Variants in PRKDC observed in about 807,000 individuals in gnomAD.
The protein encoded by PRKDC is DNA-dependent protein kinase catalytic subunit.
In PRKDC, 82 loss-of-function variants were observed where a neutral mutation model predicts 486.9. The observed-to-expected ratio is 0.17, with a 90% CI of 0.14 to 0.20. The LOEUF (loss-of-function observed/expected upper bound fraction) is 0.20, where lower values mean the gene tolerates loss of function less well. Ranked by LOEUF, PRKDC falls within the 10% of genes least tolerant of loss-of-function variation. The pLI is 1.00. For synonymous variants in PRKDC, 1,895 were observed against 1,837.0 expected (o/e 1.03, Z -0.81); for missense variants, 4,504 against 5,038.2 (o/e 0.89, Z 3.21).
In PRKDC at chr8:47,782,080, G is replaced by A. The variant is rs896460515; in HGVS notation, c.11489+82C>T. The A allele has an allele frequency of 6.8e-5, 86 of 1,257,660 alleles. No individual in the cohort carries two copies. Among genetic ancestry groups the A allele is most frequent in the Admixed American group, 5.5e-5 (3 of 54,928 alleles). The allele number at this position is 1,257,660 out of a possible 1,614,324, so 77.9% of individuals were successfully genotyped here. A position where few individuals can be genotyped will look rare whatever the true frequency, so the allele number is the denominator to read the frequency against. On this transcript the variant is annotated intron_variant, in intron 80 of 85. Transcript: ENST00000314191. The surrounding 1 kb of genome is among the most constrained non-coding windows in gnomAD (Gnocchi z 4.9). Reference sequence around the variant, plus strand: ...GGGCAGGCAGTGTGGGCTCTCGAGCGCGCCTGTCACGGCCCCGACCTGCCA... The same window carrying A: ...GGGCAGGCAGTGTGGGCTCTCGAGCACGCCTGTCACGGCCCCGACCTGCCA...
chr8:47,836,688 G>A (rs765426743), intron 57 of PRKDC, among the ~76,000 whole-genome samples, 161 bp from the exon 58 acceptor site: 8 of 152,192 alleles, frequency 5.3e-5, no homozygotes, highest in Non-Finnish European at 1.2e-4. Flanking sequence ...TAATTTAAAA[G>A]TTTTAACTGA....
chr8:47,829,382 T>TAA (rs1448871476), intron 61 of PRKDC, among the ~76,000 whole-genome samples: 2 of 152,292 alleles, frequency 1.3e-5, no homozygotes, highest in East Asian at 3.9e-4. Context: ...AAAAGAACAT[T>TAA]AAAAGCAATG....
chr8:47,778,675 C>T lies in PRKDC; in HGVS notation c.11652-15G>A, dbSNP rs774509571. On this transcript the variant is annotated splice_polypyrimidine_tract_variant and intron_variant, in intron 82 of 85. Coordinates refer to ENST00000314191, the MANE Select transcript of PRKDC (RefSeq NM_006904.7). The stretch of plus-strand genomic sequence containing the variant: ...CGAAGGCCCGCCTACAAAAGAGACA[C>T]AGCTGTGCGGCTGCTGTGATCCCAC... The T allele has an allele frequency of 1.2e-6, 2 of 1,613,414 alleles. No homozygotes were observed. Among genetic ancestry groups the T allele is most frequent in the South Asian group, 2.2e-5 (2 of 90,976 alleles).
At chr8:47,928,187 G>A (rs1589798487) in intron 19 of PRKDC, among the ~76,000 whole-genome samples, 2 of 144,058 alleles carry the variant, frequency 1.4e-5, no homozygotes, top group South Asian at 2.2e-4. Context: ...AGATAGAGTC[G>A]TGCTGTCAGC....
chr8:47,906,271 C>A (rs1050537351), intron 25 of PRKDC, among the ~76,000 whole-genome samples: 3 of 152,142 alleles, frequency 2.0e-5, no homozygotes, highest in Admixed American at 6.5e-5. Flanking sequence ...GGCTTGGGCC[C>A]AGGAGGTGGA....
rs766724310 is a variant in PRKDC, at chr8:47,785,156, G to A, written c.11064C>T (p.Ser3688=). The part of the protein sequence containing the change: ...GNLKECSPWM[S]DFKVEFLRNE... ...TTCTCAGGAACTCCACTTTGAAGTCGCTCATCCAGGGTGAACATTCTTTCA... is the reference window on the plus strand; with the variant it reads ...TTCTCAGGAACTCCACTTTGAAGTCACTCATCCAGGGTGAACATTCTTTCA... The change falls in exon 77 of 86, where the codon AGC becomes AGT. Residue 3688 remains serine, a synonymous_variant. Coordinates refer to ENST00000314191, the MANE Select transcript of PRKDC (RefSeq NM_006904.7). The A allele has an allele frequency of 9.3e-6, 15 of 1,613,776 alleles. No homozygotes were observed. The African/African-American group carries it at 1.3e-4, about 14-fold the overall frequency.
intron 40 of PRKDC, among the ~76,000 whole-genome samples, chr8:47,868,979 C>A (rs1378402466): frequency 6.6e-6 from 1 of 152,162 alleles, no homozygotes; most frequent in Non-Finnish European, 1.5e-5. Flanking sequence ...AACATTTAGA[C>A]CAGCCCTAAT....
chr8:47,949,528 C>A (rs532712990), intron 7 of PRKDC, among the ~76,000 whole-genome samples: 2 of 152,290 alleles, frequency 1.3e-5, no homozygotes, highest in South Asian at 4.1e-4. Flanking sequence ...TCACTGAGTG[C>A]TGATTTATAA....
rs117539862 is a variant in PRKDC, at chr8:47,799,390, C to T, written c.10117G>A (p.Val3373Met). 3 of 1,538,300 alleles carry T rather than the reference C, an allele frequency of 2.0e-6. No individual in the cohort carries two copies. In the East Asian group the frequency reaches 6.8e-5, roughly 35 times the overall value. ...GCTCTCTGGTACAGACCCGCGATCA[C>T]CTGGAATTCACAGAGACCTAAACCC... ...SGSSSEDSEK[V>M]IAGLYQRAFQ... The change falls in exon 72 of 86, where the codon GTG (valine) becomes ATG (methionine). Residue 3373 changes from valine (V) to methionine (M), a missense_variant and splice_region_variant. This residue lies in a region of PRKDC where 1,592 missense variants were observed against 1,724.6 expected (regional missense o/e 0.92). Coordinates refer to ENST00000314191, the MANE Select transcript of PRKDC (RefSeq NM_006904.7).
At chr8:47,847,046 T>C (rs146706619) in intron 54 of PRKDC, among the ~76,000 whole-genome samples, 18 of 152,346 alleles carry the variant, frequency 1.2e-4, no homozygotes, top group African/African-American at 4.3e-4. Context: ...AGAATCAATA[T>C]TGTTAGAATA....
intron 40 of PRKDC, 73 bp from the exon 41 acceptor site, chr8:47,864,836 C>G (rs1189410278): frequency 7.8e-6 from 10 of 1,279,078 alleles, no homozygotes; most frequent in African/African-American, 1.5e-5. Flanking sequence ...TACTACATAA[C>G]AGGCAAAGTA....
rs372328405 is a variant in PRKDC, at chr8:47,865,711, C to T, written c.5364-948G>A. Reference sequence around the variant, plus strand: ...GTCATAAAAAGACTATAGGACACTACTAGATGCCATACAGGATTTGCAAAG... The same window carrying T: ...GTCATAAAAAGACTATAGGACACTATTAGATGCCATACAGGATTTGCAAAG... On this transcript the variant is annotated intron_variant, in intron 40 of 85. Coordinates refer to ENST00000314191, the MANE Select transcript of PRKDC (RefSeq NM_006904.7). Among the ~76,000 whole-genome samples, 582 of 152,156 alleles carry T rather than the reference C, an allele frequency of 3.8e-3. 3 individuals carry two copies. Among genetic ancestry groups the T allele is most frequent in the South Asian group, 0.025 (118 of 4,816 alleles).
intron 77 of PRKDC, 146 bp from the exon 78 acceptor site, chr8:47,783,955 T>A (rs1348721004): frequency 1.3e-6 from 1 of 790,394 alleles, no homozygotes; most frequent in African/African-American, 1.7e-5. Context: ...GGGAACTGAC[T>A]TTAAAAAAAA....
intron 64 of PRKDC, 116 bp downstream of exon 64, chr8:47,823,742 C>G (rs559154953): frequency 8.8e-6 from 11 of 1,254,778 alleles, no homozygotes; most frequent in South Asian, 5.7e-5. Flanking sequence ...AACATTGTAA[C>G]GAAAAGACAT....
At chr8:47,919,793 A>G (rs1415827646) in intron 21 of PRKDC, among the ~76,000 whole-genome samples, 1 of 146,782 alleles carries the variant, frequency 6.8e-6, no homozygotes, top group Non-Finnish European at 1.5e-5. Context: ...CAGATCTTTG[A>G]TATCTGGACT....
At chr8:47,783,277 T>G (rs977451209) in intron 78 of PRKDC, among the ~76,000 whole-genome samples, 2 of 91,778 alleles carry the variant, frequency 2.2e-5, no homozygotes, top group African/African-American at 8.9e-5. Flanking sequence ...GACTCTTGTC[T>G]CAAAAAAAAA....
chr8:47,903,179 T>C (rs1039609422), intron 26 of PRKDC, among the ~76,000 whole-genome samples: 1 of 152,198 alleles, frequency 6.6e-6, no homozygotes, highest in Non-Finnish European at 1.5e-5. Flanking sequence ...TGAGACACTT[T>C]GCATATTGAA....
intron 24 of PRKDC, among the ~76,000 whole-genome samples, chr8:47,913,398 G>A (rs1296746040): frequency 6.6e-6 from 1 of 152,086 alleles, no homozygotes; most frequent in Non-Finnish European, 1.5e-5. Flanking sequence ...CGTTTTGAAA[G>A]GCAATTTTTT....
rs184866430 is a variant in PRKDC at position 47,887,996 on chromosome 8, C to T, written c.4414-291G>A. Among the ~76,000 whole-genome samples, 51 of 152,268 alleles carry T rather than the reference C, an allele frequency of 3.3e-4. No individual in the cohort carries two copies. The South Asian group carries it at 6.0e-3, about 18-fold the overall frequency. ...TCAGCCTCCTGAGTAGCTGGGACTACGGGTCCGCGGCACCCACTCCTGGAC... is the reference window on the plus strand; with the variant it reads ...TCAGCCTCCTGAGTAGCTGGGACTATGGGTCCGCGGCACCCACTCCTGGAC... On this transcript the variant is annotated intron_variant, in intron 34 of 85. Transcript: ENST00000314191.
Sources: allele counts gnomAD v4.1 joint callset (sites outside exome capture counted in the v4.1 genomes callset), GRCh38; gene constraint gnomAD v4.1.1; regional missense constraint gnomAD v4.1.1; non-coding constraint Gnocchi (gnomAD v3.1); transcripts MANE v1.5; gene names NCBI Gene and HGNC (gene_info 2026-07-23, HGNC 2026-07-21).